The following CMIP variants were observed in gnomAD, a reference collection of about 807,000 sequenced individuals.
CMIP encodes the protein c-Maf inducing protein.
In CMIP, 13 loss-of-function variants were observed where a neutral mutation model predicts 97.3. That is an observed-to-expected ratio of 0.13 (90% CI 0.09 to 0.21). CMIP has a LOEUF of 0.21. CMIP is among the 10% of genes least tolerant of loss of function. The probability of loss-of-function intolerance (pLI) is 1.00; values close to 1 mark genes in which losing one functional copy is unlikely to be tolerated. For synonymous variants in CMIP, 538 were observed against 436.3 expected (o/e 1.23, Z -2.91); for missense variants, 847 against 1,024.9 (o/e 0.83, Z 2.37).
Position 81,652,159 on chromosome 16 carries a change from T to G in CMIP, c.478-44T>G. 6.6e-7 allele frequency: 1 copy of G among 1,515,394 alleles called. No homozygotes were observed. The highest frequency in any genetic ancestry group is 9.1e-7 in the Non-Finnish European group (1 of 1,093,152). 93.9% of individuals were successfully genotyped at this position (1,515,394 alleles called of 1,614,324 possible). On this transcript the variant is annotated intron_variant, in intron 3 of 20. Coordinates refer to ENST00000537098, the MANE Select transcript of CMIP (RefSeq NM_198390.3). This position sits in a 1 kb window ranked among gnomAD's most constrained non-coding sequence, Gnocchi z 5.2. ...GATTGTCTTCCATCTTCTGCCTTCC[T>G]TACGTGAGTAACATGTTGCTGTCTC...
intron 3 of CMIP, among the ~76,000 whole-genome samples, chr16:81,638,540 G>A (rs2092264929): frequency 6.6e-6 from 1 of 151,892 alleles, no homozygotes. Flanking sequence ...TAACACGCCC[G>A]AGGCGACGCT....
intron 5 of CMIP, among the ~76,000 whole-genome samples, chr16:81,660,013 A>T (rs965640269): frequency 6.7e-6 from 1 of 149,492 alleles, no homozygotes; most frequent in African/African-American, 2.4e-5. Context: ...TTTATGCGCT[A>T]ATTTTTCTAC....
At chr16:81,646,527 C>T (rs1232069433) in intron 3 of CMIP, among the ~76,000 whole-genome samples, 1 of 152,196 alleles carries the variant, frequency 6.6e-6, no homozygotes, top group East Asian at 1.9e-4. Context: ...ACTGTGAGTA[C>T]ACAATTCAGT....
At position 81,651,289 on chromosome 16, in the gene CMIP, GCTTGGCCCAGACCTCCGC is replaced by G. The variant is rs1227519912; in HGVS notation, c.478-910_478-893del. On this transcript the variant is annotated intron_variant, in intron 3 of 20. Transcript: ENST00000537098. ...GAGCCCGGGCGGGGGTGGAGGGAGTGCTTGGCCCAGACCTCCGCCTTCCGAGGGCCTCCGTTTCCATGA... is the reference window on the plus strand; with the variant it reads ...GAGCCCGGGCGGGGGTGGAGGGAGTGCTTCCGAGGGCCTCCGTTTCCATGA... 4 of 261,988 alleles carry G rather than the reference GCTTGGCCCAGACCTCCGC, an allele frequency of 1.5e-5. No individual in the cohort carries two copies. In the East Asian group the frequency reaches 7.1e-4, roughly 46 times the overall value. 16.2% of individuals were successfully genotyped at this position (261,988 alleles called of 1,614,324 possible).
intron 9 of CMIP, among the ~76,000 whole-genome samples, chr16:81,675,859 T>G (rs975557218): frequency 1.3e-5 from 2 of 152,192 alleles, no homozygotes; most frequent in African/African-American, 4.8e-5. Flanking sequence ...TCAGCAGGTC[T>G]GGGGCGGGGC....
chr16:81,565,216 T>A (rs1038124894), intron 1 of CMIP, among the ~76,000 whole-genome samples: 1 of 152,092 alleles, frequency 6.6e-6, no homozygotes, highest in Non-Finnish European at 1.5e-5. Context: ...CAGCCCAAGA[T>A]CTGGGCCCAG....
At chr16:81,636,568 G>A (rs926450225) in intron 3 of CMIP, among the ~76,000 whole-genome samples, 30 of 124,730 alleles carry the variant, frequency 2.4e-4, no homozygotes, top group Middle Eastern at 4.8e-3. Context: ...GTTACAGAGT[G>A]AAACTTCGTC....
At chr16:81,592,402 G>A (rs572973436) in intron 1 of CMIP, among the ~76,000 whole-genome samples, 3 of 152,222 alleles carry the variant, frequency 2.0e-5, no homozygotes, top group East Asian at 1.9e-4. Flanking sequence ...AATGCCTGGC[G>A]CTCCCCTCCT....
chr16:81,665,997 G>A (rs1161948841), intron 7 of CMIP: 1 of 152,194 alleles, frequency 6.6e-6, no homozygotes, highest in Non-Finnish European at 1.5e-5. Flanking sequence ...TAGATTTGGG[G>A]TAAATTCATT....
At chr16:81,672,111 G>A (rs2092688749) in intron 9 of CMIP, 41 bp downstream of exon 9, 1 of 1,233,464 alleles carries the variant, frequency 8.1e-7, no homozygotes, top group Non-Finnish European at 1.2e-6. Flanking sequence ...GCTTGGGAGG[G>A]GCAAACTGCC....
chr16:81,557,087 C>T (rs1284531905), intron 1 of CMIP, among the ~76,000 whole-genome samples: 1 of 152,208 alleles, frequency 6.6e-6, no homozygotes, highest in African/African-American at 2.4e-5. Context: ...GTTCCATGGT[C>T]TGAAAGGTGT....
chr16:81,500,398 TCTCCTTCTCTCC>T (rs1360285563), intron 1 of CMIP, among the ~76,000 whole-genome samples: 3 of 106,086 alleles, frequency 2.8e-5, no homozygotes, highest in African/African-American at 1.1e-4. Flanking sequence ...TCCTTCTCTC[TCTCCTTCTCTCC>T]CTCCTCCCTC....
intron 1 of CMIP, among the ~76,000 whole-genome samples, chr16:81,475,249 A>G (rs1441907951): frequency 6.6e-6 from 1 of 152,218 alleles, no homozygotes; most frequent in African/African-American, 2.4e-5. Context: ...TAAACTGCAT[A>G]TTCTCCCTTT....
intron 1 of CMIP, among the ~76,000 whole-genome samples, chr16:81,576,373 C>T (rs1474755721): frequency 6.6e-6 from 1 of 152,034 alleles, no homozygotes. Flanking sequence ...CACTGAACTC[C>T]AGTCTGGGTG....
At chr16:81,530,410 A>G (rs1268463196) in intron 1 of CMIP, among the ~76,000 whole-genome samples, 1 of 151,880 alleles carries the variant, frequency 6.6e-6, no homozygotes, top group Non-Finnish European at 1.5e-5. Flanking sequence ...TGGGGTGTGT[A>G]GTGAGTATCA....
At chr16:81,575,269 G>A (rs1017123669) in intron 1 of CMIP, among the ~76,000 whole-genome samples, 1 of 152,168 alleles carries the variant, frequency 6.6e-6, no homozygotes, top group Non-Finnish European at 1.5e-5. Flanking sequence ...TGTTGGAATG[G>A]GGATGCGTCG....
intron 3 of CMIP, among the ~76,000 whole-genome samples, chr16:81,633,229 G>T (rs907866331): frequency 6.6e-6 from 1 of 152,262 alleles, no homozygotes; most frequent in African/African-American, 2.4e-5. Context: ...GGCGTCTGCA[G>T]TGTGTCTCTT....
intron 1 of CMIP, among the ~76,000 whole-genome samples, chr16:81,566,905 T>C (rs761275806): frequency 1.3e-5 from 2 of 152,146 alleles, no homozygotes; most frequent in African/African-American, 4.8e-5. Context: ...ATTATTCCAG[T>C]TATAGGAAGT....
chr16:81,695,610 C>G (rs927733736), intron 13 of CMIP: 1 of 152,294 alleles, frequency 6.6e-6, no homozygotes, highest in Non-Finnish European at 1.5e-5. Context: ...TGCTCTCATG[C>G]TCTGTCTCTC....
Sources: gnomAD v4.1 joint callset for allele counts (sites outside exome capture counted in the v4.1 genomes callset) on GRCh38, gnomAD v4.1.1 for gene constraint, Gnocchi (gnomAD v3.1) non-coding constraint, MANE v1.5 for transcripts, NCBI Gene and HGNC (gene_info 2026-07-23, HGNC 2026-07-21) for gene names.